The following ELF4 variants were observed in gnomAD, a reference collection of about 807,000 sequenced individuals.
ELF4 encodes E74 like ETS transcription factor 4.
A neutral mutation model predicts 31.7 loss-of-function variants in ELF4; 10 were observed. That is an observed-to-expected ratio of 0.32 (90% CI 0.19 to 0.54). The LOEUF is 0.54. ELF4 is among the 20% of genes least tolerant of loss of function. The probability of loss-of-function intolerance (pLI) is 0.95; values close to 1 mark genes in which losing one functional copy is unlikely to be tolerated. For missense variants in ELF4, 418 were observed against 522.0 expected (o/e 0.80, Z 1.94); for synonymous variants, 208 against 226.7 (o/e 0.92, Z 0.74).
In ELF4 at chrX:130,065,258, G is replaced by A. The variant is rs928472690; in HGVS notation, c.*1463C>T. On this transcript the variant is annotated 3_prime_UTR_variant, in exon 9 of 9. Coordinates refer to ENST00000308167, the MANE Select transcript of ELF4 (RefSeq NM_001421.4). ...TTGCCCTCAAACTTGGCAGGAGGGA[G>A]GCAAGCTCGTTTAAAGAAGGGAGAG... The A allele has an allele frequency of 6.3e-5, 11 of 174,017 alleles. No individual in the cohort carries two copies. In the Admixed American group the frequency reaches 8.7e-4, roughly 14 times the overall value. The allele number at this position is 174,017 out of a possible 1,213,427, so 14.3% of individuals were successfully genotyped here.
intron 1 of ELF4, among the ~76,000 whole-genome samples, chrX:130,083,209 A>C (rs918643503): frequency 9.3e-6 from 1 of 107,765 alleles, no homozygotes; most frequent in Non-Finnish European, 1.9e-5. Flanking sequence ...GAGGCTGAGT[A>C]CTGGGAGGAG....
At chrX:130,082,553 C>A (rs1169814795) in intron 1 of ELF4, among the ~76,000 whole-genome samples, 1 of 111,754 alleles carries the variant, frequency 8.9e-6, no homozygotes, top group East Asian at 2.8e-4. Context: ...GCAGCCCAAA[C>A]ACACCTCCTC....
chrX:130,070,787 A>AAAAAAAAAAAAG (rs1556186609), intron 7 of ELF4, among the ~76,000 whole-genome samples: 1 of 92,728 alleles, frequency 1.1e-5, no homozygotes, highest in Non-Finnish European at 2.0e-5. Context: ...AAAAAAAAAA[A>AAAAAAAAAAAAG]AAAGAAAGAA....
intron 1 of ELF4, among the ~76,000 whole-genome samples, chrX:130,100,372 C>T (rs1933229683): frequency 9.0e-6 from 1 of 111,599 alleles, no homozygotes; most frequent in Non-Finnish European, 1.9e-5. Context: ...ATGGTCCAAA[C>T]TCATCTGCTC....
intron 1 of ELF4, among the ~76,000 whole-genome samples, chrX:130,094,134 G>A (rs760312152): frequency 9.1e-6 from 1 of 109,579 alleles, no homozygotes; most frequent in East Asian, 2.8e-4. Flanking sequence ...GGAGGCCAAG[G>A]TGGGCGGATC....
chrX:130,094,585 G>A (rs1435462567), intron 1 of ELF4, among the ~76,000 whole-genome samples: 9 of 108,480 alleles, frequency 8.3e-5, no homozygotes, highest in African/African-American at 3.0e-4. Flanking sequence ...AAAAGAGAGA[G>A]AGAGAGAGCA....
upstream of ELF4, chrX:130,110,713 T>C (rs1337386751): frequency 1.9e-5 from 2 of 103,592 alleles, no homozygotes; most frequent in Non-Finnish European, 4.0e-5. Flanking sequence ...GAGATGCAAA[T>C]ACCAGGTGAG....
At chrX:130,109,949 G>A (rs191023921) in intron 1 of ELF4, among the ~76,000 whole-genome samples, 57 of 112,993 alleles carry the variant, frequency 5.0e-4, no homozygotes, top group African/African-American at 1.8e-3. Flanking sequence ...AGCCCCGGGG[G>A]CAGTCGGATC....
At chrX:130,082,362 G>A (rs772916471) in intron 1 of ELF4, among the ~76,000 whole-genome samples, 3 of 111,639 alleles carry the variant, frequency 2.7e-5, no homozygotes, top group Non-Finnish European at 5.7e-5. Context: ...ACCAGAGAGC[G>A]TGGCCTCTGT....
At chrX:130,069,223 CAA>C (rs367640579) in intron 8 of ELF4, 75 bp downstream of exon 8, 2,199 of 992,141 alleles carry the variant, frequency 2.2e-3, no homozygotes, top group Middle Eastern at 2.7e-3. Flanking sequence ...GACTCCATCT[CAA>C]AAAAAAAAAA....
chrX:130,064,910 C>CT lies in ELF4; in HGVS notation c.*1810dup. 1 of 151,918 alleles carries CT rather than the reference C, an allele frequency of 6.6e-6. No individual in the cohort carries two copies. The highest frequency in any genetic ancestry group is 1.0e-4 in the East Asian group (1 of 9,865). 12.5% of individuals were successfully genotyped at this position (151,918 alleles called of 1,213,427 possible). A position where few individuals can be genotyped will look rare whatever the true frequency, so the allele number is the denominator to read the frequency against. ...TGGTGACCCTTTATCAAGATGCTTA[C>CT]TTTCAACCATCAGGAAACTGTCATA... On this transcript the variant is annotated 3_prime_UTR_variant, in exon 9 of 9. Coordinates refer to ENST00000308167, the MANE Select transcript of ELF4 (RefSeq NM_001421.4).
intron 4 of ELF4, among the ~76,000 whole-genome samples, chrX:130,072,786 GAGAC>G (rs910700499): frequency 7.1e-5 from 8 of 112,339 alleles, no homozygotes; most frequent in African/African-American, 2.6e-4. Flanking sequence ...TGAGGAAACT[GAGAC>G]AGACCCAGAG....
chrX:130,084,414 C>T (rs994090844), intron 1 of ELF4, among the ~76,000 whole-genome samples: 3 of 112,218 alleles, frequency 2.7e-5, no homozygotes, highest in African/African-American at 9.7e-5. Context: ...GCAGCCAGGG[C>T]CCTGCACTGC....
intron 1 of ELF4, among the ~76,000 whole-genome samples, chrX:130,086,155 C>G (rs1298109740): frequency 8.9e-6 from 1 of 112,372 alleles, no homozygotes; most frequent in Non-Finnish European, 1.9e-5. Context: ...GCTCTTTCTC[C>G]TATTCCTTTC....
At chrX:130,084,546 G>A (rs1932934004) in intron 1 of ELF4, among the ~76,000 whole-genome samples, 2 of 112,113 alleles carry the variant, frequency 1.8e-5, no homozygotes, top group African/African-American at 6.5e-5. Flanking sequence ...GGTGGGTGCA[G>A]GCTTTGCTGC....
intron 1 of ELF4, among the ~76,000 whole-genome samples, chrX:130,091,176 C>T (rs1275715484): frequency 2.7e-5 from 3 of 111,723 alleles, no homozygotes; most frequent in Non-Finnish European, 5.6e-5. Flanking sequence ...CCTATAATCC[C>T]TGTACTTTGG....
chrX:130,066,825 T>C lies in ELF4; in HGVS notation c.1888A>G (p.Ser630Gly). ...GSGSLLMAEP[S>G]VTTSGSLLTR... ...AGAAGGCTCCCAGATGTGGTCACAC[T>C]AGGCTCAGCCATCAGCAGGGACCCT... The change falls in exon 9 of 9, where the codon AGT becomes GGT. Residue 630 changes from serine to glycine, a missense_variant. By Grantham distance (56) the Ser-to-Gly change is moderately conservative. Around this residue, in one of 4 missense-constraint regions of ELF4, gnomAD observed 260 missense variants for 269.2 expected, o/e 0.97. Coordinates refer to ENST00000308167, the MANE Select transcript of ELF4 (RefSeq NM_001421.4). 5.0e-6 allele frequency: 6 copies of C among 1,209,670 alleles called. No individual in the cohort carries two copies. Among genetic ancestry groups the C allele is most frequent in the Non-Finnish European group, 6.7e-6 (6 of 894,058 alleles).
chrX:130,084,426 T>C (rs942482430), intron 1 of ELF4, among the ~76,000 whole-genome samples: 1 of 112,369 alleles, frequency 8.9e-6, no homozygotes, highest in Non-Finnish European at 1.9e-5. Flanking sequence ...CTGCACTGCA[T>C]TGAATGGAAT....
intron 2 of ELF4, among the ~76,000 whole-genome samples, chrX:130,078,033 GTTTTTC>G (rs1159225141): frequency 2.8e-5 from 3 of 108,728 alleles, no homozygotes; most frequent in African/African-American, 1.0e-4. Context: ...CACACCTGTT[GTTTTTC>G]TTTTTCTTTT....
Sources: allele counts gnomAD v4.1 joint callset (sites outside exome capture counted in the v4.1 genomes callset), GRCh38; gene constraint gnomAD v4.1.1; regional missense constraint gnomAD v4.1.1; transcripts MANE v1.5; gene names NCBI Gene and HGNC (gene_info 2026-07-23, HGNC 2026-07-21).